SGSH: variants seen among roughly 807,000 people sequenced by gnomAD.
SGSH encodes heparan sulfate sulfatase.
In SGSH, 48 loss-of-function variants were observed where a neutral mutation model predicts 51.0. The observed-to-expected ratio is 0.94, with a 90% confidence interval of 0.75 to 1.20. The LOEUF (loss-of-function observed/expected upper bound fraction) is 1.20. Ranked by LOEUF, SGSH falls within the 50% of genes most tolerant of loss-of-function variation. The pLI is 0.00. For missense variants in SGSH, 662 were observed against 717.8 expected (o/e 0.92, Z 0.89); for synonymous variants, 321 against 313.4 (o/e 1.02, Z -0.26).
At chr17:80,207,384 C>T (rs113337746), downstream of SGSH, among the ~76,000 whole-genome samples, 13 of 152,302 alleles carry the variant, frequency 8.5e-5, 1 homozygote, top group African/African-American at 3.1e-4. Context: ...AACCCTGTCT[C>T]TATTAAAAAT....
downstream of SGSH, chr17:80,202,521 G>T: frequency 6.6e-7 from 1 of 1,513,838 alleles, no homozygotes; most frequent in East Asian, 2.4e-5. Context: ...AATAGAGGGT[G>T]GGCGTGGTGA....
chr17:80,214,177 C>T lies in SGSH; in HGVS notation c.658G>A (p.Val220Met), dbSNP rs150508741. ...WTPQAYDPLD[V>M]LVPYFVPNTP... is the part of the protein sequence containing the mutation. The stretch of plus-strand genomic sequence containing the variant: ...CACAGGAGGGGCCGTCCTACCAGCA[C>T]GTCCAGTGGGTCGTAGGCCTGGGGG... The change falls in exon 5 of 8, where the codon GTG (valine) becomes ATG (methionine). Residue 220 changes from valine to methionine, a missense_variant. Val to Met is a conservative substitution (Grantham distance 21, BLOSUM62 1). Coordinates refer to ENST00000326317, the MANE Select transcript of SGSH (RefSeq NM_000199.5). The T allele has an allele frequency of 2.0e-4, 328 of 1,608,702 alleles. No individual in the cohort carries two copies. In the Middle Eastern group the frequency reaches 3.0e-3, roughly 15 times the overall value.
chr17:80,203,133 G>C (rs1200923089), downstream of SGSH: 4 of 152,198 alleles, frequency 2.6e-5, no homozygotes, highest in Non-Finnish European at 5.9e-5. The surrounding 1 kb of genome is among the most constrained non-coding windows in gnomAD (Gnocchi z 4.6). Flanking sequence ...AGCTGGGCGT[G>C]GTGGCAGGTG....
rs1490334490 is a variant in SGSH at position 80,220,227 on chromosome 17, G to A, written c.87C>T (p.Leu29=). The change falls in exon 1 of 8, where the codon CTC becomes CTT. Residue 29 remains leucine, a splice_region_variant and synonymous_variant. Coordinates refer to ENST00000326317, the MANE Select transcript of SGSH (RefSeq NM_000199.5). ...RARPRNALLL[L]ADDGGFESGA... ...TGGGGGGGCGGCGCCGGCACTCACC[G>A]AGGAGCAGCAGTGCGTTCCGGGGAC... 2 of 1,519,260 alleles carry A rather than the reference G, an allele frequency of 1.3e-6. No homozygotes were observed. The highest frequency in any genetic ancestry group is 1.8e-6 in the Non-Finnish European group (2 of 1,139,712). 94.1% of individuals were successfully genotyped at this position (1,519,260 alleles called of 1,614,324 possible).
In SGSH at chr17:80,210,546, T is replaced by A; in HGVS notation, c.1415A>T (p.Gln472Leu). Residue 472 changes from glutamine to leucine, a missense_variant, in exon 8 of 8, where the codon CAG becomes CTG. Transcript: ENST00000326317. ...EMLRDQLAKW[Q>L]WETHDPWVCA... ...CACCCAGGGGTCGTGGGTCTCCCAC[T>A]GCCACTTGGCCAGCTGGTCCCGAAG... 1 of 1,612,496 alleles carries A rather than the reference T, an allele frequency of 6.2e-7. No individual in the cohort carries two copies. Among genetic ancestry groups the A allele is most frequent in the South Asian group, 1.1e-5 (1 of 91,002 alleles).
chr17:80,204,413 T>G, downstream of SGSH: 1 of 1,425,496 alleles, frequency 7.0e-7, no homozygotes, highest in South Asian at 1.4e-5. Flanking sequence ...CTGCTGCTAG[T>G]TGGTCAGCTG....
chr17:80,216,244 G>A (rs569625406), intron 2 of SGSH, among the ~76,000 whole-genome samples: 37 of 152,080 alleles, frequency 2.4e-4, no homozygotes, highest in African/African-American at 6.3e-4. Flanking sequence ...CAGGAGACTC[G>A]CTGGAACCGG....
Position 80,210,667 on chromosome 17 carries a change from A to G in SGSH, c.1294T>C (p.Tyr432His). ...TCGTAGAGCTCCCAGCGCGCCCGGTAGTAGTAATGACGGAGGTCCTTGTAC... is the reference window on the plus strand; with the variant it reads ...TCGTAGAGCTCCCAGCGCGCCCGGTGGTAGTAATGACGGAGGTCCTTGTAC... ...GWYKDLRHYY[Y>H]RARWELYDRS... is the part of the protein sequence containing the mutation. The change falls in exon 8 of 8, where the codon TAC (tyrosine) becomes CAC (histidine). Residue 432 changes from tyrosine (Y) to histidine (H), a missense_variant. Tyr to His is a moderately conservative substitution (Grantham distance 83). Coordinates refer to ENST00000326317, the MANE Select transcript of SGSH (RefSeq NM_000199.5). 4 of 1,614,038 alleles carry G rather than the reference A, an allele frequency of 2.5e-6. No homozygotes were observed. The highest frequency in any genetic ancestry group is 3.4e-6 in the Non-Finnish European group (4 of 1,180,032).
rs1004885002 is a variant in SGSH, at chr17:80,211,099, G to A, written c.950-88C>T. 5.5e-5 allele frequency: 86 copies of A among 1,557,844 alleles called. No homozygotes were observed. The highest frequency in any genetic ancestry group is 1.4e-4 in the East Asian group (6 of 42,116). On this transcript the variant is annotated intron_variant, in intron 7 of 7. Coordinates refer to ENST00000326317, the MANE Select transcript of SGSH (RefSeq NM_000199.5). ...GGGCCGAACCTACGCCACTCTGGGC[G>A]GCTCCCTTCTCCAATCCAATCAGCA...
In SGSH at chr17:80,210,639, C is replaced by T. The variant is rs142599919; in HGVS notation, c.1322G>A (p.Arg441Gln). 1.4e-3 allele frequency: 2,216 copies of T among 1,613,930 alleles called. No homozygotes were observed. Among genetic ancestry groups the T allele is most frequent in the Non-Finnish European group, 1.7e-3 (1,974 of 1,180,022 alleles). The stretch of plus-strand genomic sequence containing the variant: ...CTGGGTCTCGTGGGGGTCCCGGCTC[C>T]GGTCGTAGAGCTCCCAGCGCGCCCG... ...YYRARWELYDRSRDPHETQNL... is the reference protein window; with the variant it reads ...YYRARWELYDQSRDPHETQNL... Residue 441 changes from arginine (R) to glutamine (Q), a missense_variant, in exon 8 of 8, where the codon CGG (arginine) becomes CAG (glutamine). Transcript: ENST00000326317.
At chr17:80,214,590 A>C in intron 4 of SGSH, 25 bp downstream of exon 4, 1 of 1,606,310 alleles carries the variant, frequency 6.2e-7, no homozygotes, top group Non-Finnish European at 8.5e-7. Context: ...CGCCAGGGGG[A>C]AGGGGCAGGG....
In SGSH at chr17:80,214,601, GC is replaced by G; in HGVS notation, c.506+13del. On this transcript the variant is annotated intron_variant, in intron 4 of 7. Transcript: ENST00000326317. ...CGGCCGCCAGGGGGAAGGGGCAGGG[GC>G]CCCGACTCATACCGGTCATCCTGAG... The G allele has an allele frequency of 6.2e-7, 1 of 1,610,494 alleles. No homozygotes were observed. The highest frequency in any genetic ancestry group is 8.5e-7 in the Non-Finnish European group (1 of 1,178,746).
In SGSH at chr17:80,209,381, G is replaced by A; in HGVS notation, c.*1071C>T. On this transcript the variant is annotated 3_prime_UTR_variant, in exon 8 of 8. Coordinates refer to ENST00000326317, the MANE Select transcript of SGSH (RefSeq NM_000199.5). ...CACCCCAGTATGGAGTGATAGGGAG[G>A]GAAGGGCAAGGGGAGCCCACCTACT... 9.1e-6 allele frequency: 9 copies of A among 985,478 alleles called. No individual in the cohort carries two copies. Among genetic ancestry groups the A allele is most frequent in the Non-Finnish European group, 1.1e-5 (9 of 829,988 alleles). The allele number at this position is 985,478 out of a possible 1,614,324, so 61.0% of individuals were successfully genotyped here. A position where few individuals can be genotyped will look rare whatever the true frequency, so the allele number is the denominator to read the frequency against.
downstream of SGSH, chr17:80,203,710 A>T: frequency 1.5e-6 from 1 of 689,002 alleles, no homozygotes. The surrounding 1 kb of genome is among the most constrained non-coding windows in gnomAD (Gnocchi z 4.6). Flanking sequence ...CTCTAGGTGG[A>T]GGCCCTTCTC....
chr17:80,214,202 G>T lies in SGSH; in HGVS notation c.633C>A (p.Thr211=), dbSNP rs187147954. 74 of 1,611,960 alleles carry T rather than the reference G, an allele frequency of 4.6e-5. No homozygotes were observed. The Admixed American group carries it at 1.2e-3, about 27-fold the overall frequency. ...CGTCCAGTGGGTCGTAGGCCTGGGG[G>T]GTCCAGTCTGGGATACGACCCATGC... The part of the protein sequence containing the change: ...ESGMGRIPDW[T]PQAYDPLDVL... Residue 211 remains threonine (T), a synonymous_variant, in exon 5 of 8, where the codon ACC becomes ACA. Coordinates refer to ENST00000326317, the MANE Select transcript of SGSH (RefSeq NM_000199.5).
downstream of SGSH, chr17:80,209,131 C>G (rs1275152741): frequency 5.2e-6 from 1 of 193,638 alleles, no homozygotes; most frequent in Non-Finnish European, 9.4e-6. Context: ...CTTTACTCCA[C>G]CTTCAGGGCT....
chr17:80,216,782 G>A, intron 2 of SGSH: 2 of 556,268 alleles, frequency 3.6e-6, no homozygotes, highest in Non-Finnish European at 6.5e-6. Context: ...TTACAGATGA[G>A]GAAACTGAGG....
chr17:80,212,373 G>T lies in SGSH; in HGVS notation c.746-99C>A. On this transcript the variant is annotated intron_variant, in intron 6 of 7. Transcript: ENST00000326317. This position sits in a 1 kb window ranked among gnomAD's most constrained non-coding sequence, Gnocchi z 5.9. ...ACCTGCTGCTGCATCCGGCCGCTGGGCTCCAGCGCTTTCCGGATTCGAAAG... is the reference window on the plus strand; with the variant it reads ...ACCTGCTGCTGCATCCGGCCGCTGGTCTCCAGCGCTTTCCGGATTCGAAAG... The T allele has an allele frequency of 9.3e-7, 1 of 1,069,892 alleles. No individual in the cohort carries two copies. The highest frequency in any genetic ancestry group is 1.3e-5 in the South Asian group (1 of 74,168). The allele number at this position is 1,069,892 out of a possible 1,614,324, so 66.3% of individuals were successfully genotyped here. A position where few individuals can be genotyped will look rare whatever the true frequency, so the allele number is the denominator to read the frequency against.
At chr17:80,216,915 G>T in intron 2 of SGSH, 117 bp downstream of exon 2, 1 of 1,020,650 alleles carries the variant, frequency 9.8e-7, no homozygotes, top group Non-Finnish European at 1.4e-6. Flanking sequence ...GAGGTGGGAG[G>T]GAAAGTGGGC....
Sources: allele counts gnomAD v4.1 joint callset (sites outside exome capture counted in the v4.1 genomes callset), GRCh38; gene constraint gnomAD v4.1.1; non-coding constraint Gnocchi (gnomAD v3.1); transcripts MANE v1.5; gene names NCBI Gene and HGNC (gene_info 2026-07-23, HGNC 2026-07-21).